The following DPP6 variants were observed in gnomAD, a reference collection of about 807,000 sequenced individuals.
The protein encoded by DPP6 is A-type potassium channel modulatory protein DPP6.
In DPP6, 69 loss-of-function variants were observed where a neutral mutation model predicts 122.6. That is an observed-to-expected ratio of 0.56 (90% CI 0.46 to 0.69). DPP6 has a LOEUF of 0.69. DPP6 is among the 30% of genes least tolerant of loss of function. The pLI, the probability that DPP6 is intolerant of heterozygous loss-of-function variation, is 0.00. For missense variants in DPP6, 928 were observed against 1,116.9 expected (o/e 0.83, Z 2.41); for synonymous variants, 418 against 433.1 (o/e 0.97, Z 0.43).
chr7:154,038,151 T>A (rs1799625460), intron 1 of DPP6, among the ~76,000 whole-genome samples: 1 of 149,878 alleles, frequency 6.7e-6, no homozygotes. Flanking sequence ...ACTTTTGTTG[T>A]CATAGCCTCA....
intron 1 of DPP6, among the ~76,000 whole-genome samples, chr7:153,998,009 C>T (rs1175243122): frequency 6.6e-6 from 1 of 151,420 alleles, no homozygotes; most frequent in Admixed American, 6.6e-5. Context: ...GGTCCAGCAC[C>T]ATCAGGATGT....
intron 21 of DPP6, chr7:154,884,996 C>G (rs1477555753): frequency 6.6e-6 from 1 of 152,578 alleles, no homozygotes; most frequent in Non-Finnish European, 1.5e-5. Context: ...TCGGGGTCTT[C>G]CCTTCGGAGG....
chr7:154,708,457 A>G (rs1840957775), intron 7 of DPP6, among the ~76,000 whole-genome samples: 2 of 152,226 alleles, frequency 1.3e-5, no homozygotes, highest in African/African-American at 4.8e-5. Context: ...GATAAACAAA[A>G]CATTGTAATA....
chr7:154,360,976 T>G (rs1288867691), intron 1 of DPP6, among the ~76,000 whole-genome samples: 1 of 152,168 alleles, frequency 6.6e-6, no homozygotes, highest in East Asian at 1.9e-4. Context: ...GATGCTGAAC[T>G]CCATGGGCCA....
At chr7:154,160,100 A>G (rs1177335085) in intron 1 of DPP6, among the ~76,000 whole-genome samples, 1 of 151,902 alleles carries the variant, frequency 6.6e-6, no homozygotes, top group Non-Finnish European at 1.5e-5. Context: ...ACAGAGCAAG[A>G]TCCTGTCTCA....
At chr7:153,963,983 A>G (rs1405297492) in intron 1 of DPP6, among the ~76,000 whole-genome samples, 1 of 152,078 alleles carries the variant, frequency 6.6e-6, no homozygotes, top group Non-Finnish European at 1.5e-5. Context: ...ACTGACTTTC[A>G]GGTCTTTTTA....
At chr7:154,507,883 G>A (rs945593085) in intron 3 of DPP6, among the ~76,000 whole-genome samples, 3 of 152,026 alleles carry the variant, frequency 2.0e-5, no homozygotes, top group Admixed American at 2.0e-4. Flanking sequence ...TATTCCTTTT[G>A]GAGCAACTCA....
rs1362252192 is a variant in DPP6 at position 154,821,645 on chromosome 7, T to TATATATATATATATAC, written c.1666+14534_1666+14535insTATATATATATATACA. Among the ~76,000 whole-genome samples, 29 of 115,182 alleles carry TATATATATATATATAC rather than the reference T, an allele frequency of 2.5e-4. No homozygotes were observed. Among genetic ancestry groups the TATATATATATATATAC allele is most frequent in the African/African-American group, 9.6e-4 (25 of 26,126 alleles). 75.6% of individuals were successfully genotyped at this position (115,182 alleles called of 152,430 possible). On this transcript the variant is annotated intron_variant, in intron 16 of 25. Transcript: ENST00000377770. The surrounding 1 kb of genome is among the most constrained non-coding windows in gnomAD (Gnocchi z 4.2). The stretch of plus-strand genomic sequence containing the variant: ...TTTTTTCTGTATATATATATATATA[T>TATATATATATATATAC]ACACATATATATATATATACACATA...
intron 1 of DPP6, among the ~76,000 whole-genome samples, chr7:154,189,768 GTGTATATCTTTCCACACAAACCAGATC>G (rs753541607): frequency 6.6e-6 from 1 of 152,098 alleles, no homozygotes; most frequent in Non-Finnish European, 1.5e-5. Flanking sequence ...TTGTGTTTCA[GTGTATATCTTTCCACACAAACCAGATC>G]AACTGCTTTC....
the DPP6 span, among the ~76,000 whole-genome samples, chr7:153,821,125 A>G: frequency 6.6e-6 from 1 of 152,236 alleles, no homozygotes; most frequent in Non-Finnish European, 1.5e-5. Context: ...ATATACATGG[A>G]TAACTTTAAT....
chr7:154,615,548 C>T (rs1460656360), intron 5 of DPP6, among the ~76,000 whole-genome samples: 2 of 152,194 alleles, frequency 1.3e-5, no homozygotes, highest in Admixed American at 6.5e-5. Flanking sequence ...AGTAAGTATA[C>T]GATTCAGTGG....
At chr7:154,377,786 T>C (rs1016112168) in intron 1 of DPP6, among the ~76,000 whole-genome samples, 8 of 152,220 alleles carry the variant, frequency 5.3e-5, no homozygotes, top group Admixed American at 5.2e-4. Flanking sequence ...CAGCCTCAGT[T>C]AGCTCTTCAT....
rs3837065 is a variant in DPP6, at chr7:154,877,405, GCACA to G, written c.2078+1329_2078+1332del. Among the ~76,000 whole-genome samples, 5,827 of 149,792 alleles carry G rather than the reference GCACA, an allele frequency of 0.039. 345 individuals are homozygous for G. Among genetic ancestry groups the G allele is most frequent in the African/African-American group, 0.13 (5,273 of 40,870 alleles). On this transcript the variant is annotated intron_variant, in intron 20 of 25. Coordinates refer to ENST00000377770, the MANE Select transcript of DPP6 (RefSeq NM_130797.4). The surrounding 1 kb of genome is among the most constrained non-coding windows in gnomAD (Gnocchi z 5.2). ...TGACTACAACAACACATGTGTGCGTGCACACACACACACACACACACACACACCT... is the reference window on the plus strand; with the variant it reads ...TGACTACAACAACACATGTGTGCGTGCACACACACACACACACACACACCT...
intron 1 of DPP6, among the ~76,000 whole-genome samples, chr7:154,370,126 G>T (rs1255920534): frequency 6.6e-6 from 1 of 151,850 alleles, no homozygotes. Flanking sequence ...GGGATTACAG[G>T]AACCCACCAT....
intron 8 of DPP6, among the ~76,000 whole-genome samples, chr7:154,739,499 T>G (rs1230084933): frequency 6.6e-6 from 1 of 152,154 alleles, no homozygotes; most frequent in African/African-American, 2.4e-5. Context: ...GGATCACAAA[T>G]GACGTTCTTG....
chr7:154,727,592 G>C (rs1563145844), intron 7 of DPP6, among the ~76,000 whole-genome samples, 175 bp from the exon 8 acceptor site: 1 of 152,172 alleles, frequency 6.6e-6, no homozygotes, highest in Non-Finnish European at 1.5e-5. Flanking sequence ...AATCCTTACA[G>C]GTATATTCTG....
chr7:154,009,098 G>C lies in DPP6; in HGVS notation c.51+121364G>C, dbSNP rs1392082417. ...AGCAAGTTTTGCTCCACTATAAGTT[G>C]ATGAGGACCTTTTTTTTTGGAAGCT... is the stretch of plus-strand genomic sequence containing the variant. On this transcript the variant is annotated intron_variant, in intron 1 of 25. Transcript: ENST00000404039. Among the ~76,000 whole-genome samples, 165 of 101,826 alleles carry C rather than the reference G, an allele frequency of 1.6e-3. 2 individuals are homozygous for C. The highest frequency in any genetic ancestry group is 5.9e-3 in the African/African-American group (149 of 25,244). The allele number at this position is 101,826 out of a possible 152,430, so 66.8% of individuals were successfully genotyped here. A position where few individuals can be genotyped will look rare whatever the true frequency, so the allele number is the denominator to read the frequency against.
chr7:154,440,450 A>T (rs1819273832), intron 1 of DPP6, among the ~76,000 whole-genome samples: 1 of 152,186 alleles, frequency 6.6e-6, no homozygotes. Context: ...AAGTACATGC[A>T]ATGCTTTATT....
chr7:154,880,757 C>T, intron 20 of DPP6, 131 bp from the exon 21 acceptor site: 1 of 1,474,190 alleles, frequency 6.8e-7, no homozygotes, highest in Non-Finnish European at 9.3e-7. Flanking sequence ...TATTGGAATG[C>T]TAAGGTTGCT....
Sources: allele counts gnomAD v4.1 joint callset (sites outside exome capture counted in the v4.1 genomes callset), GRCh38; gene constraint gnomAD v4.1.1; non-coding constraint Gnocchi (gnomAD v3.1); transcripts MANE v1.5; gene names NCBI Gene and HGNC (gene_info 2026-07-23, HGNC 2026-07-21).